The following DOCK8 variants were observed in gnomAD, a reference collection of about 807,000 sequenced individuals.
DOCK8 encodes dedicator of cytokinesis protein 8.
A neutral mutation model predicts 245.6 loss-of-function variants in DOCK8; 141 were observed. The ratio of observed to expected loss-of-function variants is 0.57; its 90% CI spans 0.50 to 0.66. The LOEUF is 0.66. Ranked by LOEUF, DOCK8 falls within the 30% of genes least tolerant of loss-of-function variation. The probability of loss-of-function intolerance (pLI) is 0.00; values close to 1 mark genes in which losing one functional copy is unlikely to be tolerated. For missense variants in DOCK8, 2,965 were observed against 2,603.4 expected (o/e 1.14, Z -3.02); for synonymous variants, 1,168 against 970.2 (o/e 1.20, Z -3.79).
intron 14 of DOCK8, among the ~76,000 whole-genome samples, chr9:367,517 G>C (rs1477314265): frequency 6.6e-6 from 1 of 152,168 alleles, no homozygotes; most frequent in African/African-American, 2.4e-5. Context: ...GTCGTTTACA[G>C]TAATTGAGCT....
In DOCK8 at chr9:389,656, T is replaced by C. The variant is rs959458935; in HGVS notation, c.2875-815T>C. Among the ~76,000 whole-genome samples, 4 of 152,130 alleles carry C rather than the reference T, an allele frequency of 2.6e-5. No individual in the cohort carries two copies. The East Asian group carries it at 7.7e-4, about 29-fold the overall frequency. On this transcript the variant is annotated intron_variant, in intron 23 of 47. Coordinates refer to ENST00000432829, the MANE Select transcript of DOCK8 (RefSeq NM_203447.4). Reference sequence around the variant, plus strand: ...TTGTTAGAAATGCAAATTCCCAGGCTATTGAATCAGAATATCTGGGGGTGG... The same window carrying C: ...TTGTTAGAAATGCAAATTCCCAGGCCATTGAATCAGAATATCTGGGGGTGG...
In DOCK8 at chr9:422,147, G is replaced by A. The variant is rs371073556; in HGVS notation, c.4241+12G>A. The A allele has an allele frequency of 1.4e-4, 233 of 1,612,054 alleles. 1 individual carries two copies. The highest frequency in any genetic ancestry group is 1.0e-3 in the Admixed American group (62 of 59,978). On this transcript the variant is annotated intron_variant, in intron 33 of 47. Coordinates refer to ENST00000432829, the MANE Select transcript of DOCK8 (RefSeq NM_203447.4). ...GAGAAGCTAGATAAGTGAGTCACTCGGCAACTTTCTGCTACTTTTACCTAA... is the reference window on the plus strand; with the variant it reads ...GAGAAGCTAGATAAGTGAGTCACTCAGCAACTTTCTGCTACTTTTACCTAA...
intron 1 of DOCK8, chr9:267,959 C>A (rs1199630964): frequency 1.3e-5 from 2 of 152,166 alleles, no homozygotes; most frequent in African/African-American, 4.8e-5. Context: ...ACAGCAGTTT[C>A]ATAGTTCTGG....
rs150897941 is a variant in DOCK8, at chr9:361,184, G to C, written c.1680-6834G>C. On this transcript the variant is annotated intron_variant, in intron 14 of 47. Transcript: ENST00000432829. ...CTCCATCTCCAAAAAAAGAGGCTGTGACAGAGGAAGGCAGGGGGATGTTAA... is the reference window on the plus strand; with the variant it reads ...CTCCATCTCCAAAAAAAGAGGCTGTCACAGAGGAAGGCAGGGGGATGTTAA... Among the ~76,000 whole-genome samples the C allele has an allele frequency of 2.5e-4, 38 of 152,168 alleles. 1 individual carries two copies. The East Asian group carries it at 7.2e-3, about 29-fold the overall frequency.
intron 1 of DOCK8, among the ~76,000 whole-genome samples, chr9:258,848 T>G (rs1173463629): frequency 6.6e-6 from 1 of 152,170 alleles, no homozygotes. Flanking sequence ...TCTGCCCGCC[T>G]TGGCCTCCCA....
intron 26 of DOCK8, among the ~76,000 whole-genome samples, chr9:400,835 A>T (rs1468773987): frequency 1.2e-5 from 1 of 84,026 alleles, no homozygotes; most frequent in Non-Finnish European, 2.3e-5. Flanking sequence ...CATCACCATC[A>T]CCACCACCTC....
chr9:296,599 A>G (rs937158046), intron 4 of DOCK8, among the ~76,000 whole-genome samples: 2 of 152,214 alleles, frequency 1.3e-5, no homozygotes, highest in Non-Finnish European at 2.9e-5. Context: ...GAAGTGGTAA[A>G]CAATTAAAAT....
chr9:288,954 G>T (rs2048932782), intron 3 of DOCK8, among the ~76,000 whole-genome samples: 1 of 152,140 alleles, frequency 6.6e-6, no homozygotes, highest in South Asian at 2.1e-4. Context: ...TTGATTTCAA[G>T]ACTCTGAAGC....
intron 33 of DOCK8, among the ~76,000 whole-genome samples, chr9:426,117 C>CA (rs2056490965): frequency 6.6e-6 from 1 of 151,986 alleles, no homozygotes; most frequent in Non-Finnish European, 1.5e-5. Context: ...GATGATGATA[C>CA]AAAATATCCC....
chr9:350,390 A>G (rs1372178534), intron 14 of DOCK8, among the ~76,000 whole-genome samples: 3 of 151,902 alleles, frequency 2.0e-5, no homozygotes, highest in African/African-American at 7.3e-5. Flanking sequence ...GGGAGGTGCC[A>G]CTCTTCTTGT....
chr9:355,192 C>CTTTTTTTTTT (rs749045514), intron 14 of DOCK8, among the ~76,000 whole-genome samples: 6 of 121,088 alleles, frequency 5.0e-5, no homozygotes, highest in Non-Finnish European at 5.0e-5. Flanking sequence ...TGTTTCTTTT[C>CTTTTTTTTTT]TTTTTTTTTT....
intron 26 of DOCK8, among the ~76,000 whole-genome samples, chr9:401,857 A>G (rs1279236133): frequency 6.6e-6 from 1 of 152,202 alleles, no homozygotes; most frequent in Non-Finnish European, 1.5e-5. Context: ...ATAAGGAAGC[A>G]GAATAATAAA....
At chr9:311,076 A>G (rs1211451338) in intron 5 of DOCK8, among the ~76,000 whole-genome samples, 1 of 152,112 alleles carries the variant, frequency 6.6e-6, no homozygotes, top group Non-Finnish European at 1.5e-5. Flanking sequence ...ACCTAAGGTC[A>G]GGAGTTTCAG....
chr9:261,676 A>G (rs1325808383), intron 1 of DOCK8, among the ~76,000 whole-genome samples: 1 of 152,204 alleles, frequency 6.6e-6, no homozygotes, highest in East Asian at 1.9e-4. Flanking sequence ...AATCTGCATG[A>G]TAGAACAGAA....
intron 1 of DOCK8, among the ~76,000 whole-genome samples, chr9:266,123 A>AT (rs1456721338): frequency 5.9e-5 from 9 of 152,198 alleles, no homozygotes; most frequent in Admixed American, 1.3e-4. Context: ...TCTTTTACGA[A>AT]TTTTTTTCTC....
At chr9:359,599 A>G (rs2052621297) in intron 14 of DOCK8, among the ~76,000 whole-genome samples, 2 of 152,234 alleles carry the variant, frequency 1.3e-5, no homozygotes, top group Admixed American at 1.3e-4. Flanking sequence ...ATCCTTGAAT[A>G]AAAGACACCA....
At chr9:408,740 A>G (rs941186677) in intron 28 of DOCK8, among the ~76,000 whole-genome samples, 1 of 152,240 alleles carries the variant, frequency 6.6e-6, no homozygotes, top group Non-Finnish European at 1.5e-5. Context: ...AGCTGGAAAC[A>G]GCCATGACAT....
chr9:341,137 G>C (rs1337059012), intron 14 of DOCK8, among the ~76,000 whole-genome samples: 2 of 152,214 alleles, frequency 1.3e-5, no homozygotes, highest in African/African-American at 4.8e-5. Flanking sequence ...TAGCTGTTCA[G>C]CATTTGAAAT....
chr9:222,764 T>A lies in DOCK8; in HGVS notation c.53+7735T>A, dbSNP rs191843682. On this transcript the variant is annotated intron_variant, in intron 1 of 47. Transcript: ENST00000432829. The stretch of plus-strand genomic sequence containing the variant: ...TCTGTTCCTTTAATAGGTGGATTAA[T>A]GATAAAGGTAGATTGTTCAAACAAC... Among the ~76,000 whole-genome samples the A allele has an allele frequency of 1.6e-4, 25 of 152,366 alleles. 1 individual carries two copies. In the East Asian group the frequency reaches 4.4e-3, roughly 27 times the overall value.
Sources: gnomAD v4.1 joint callset for allele counts (sites outside exome capture counted in the v4.1 genomes callset) on GRCh38, gnomAD v4.1.1 for gene constraint, MANE v1.5 for transcripts, NCBI Gene and HGNC (gene_info 2026-07-23, HGNC 2026-07-21) for gene names.